Variants in SLIT3 observed in about 807,000 individuals in gnomAD.
SLIT3 encodes the protein slit guidance ligand 3.
Under a neutral mutation model 184.0 loss-of-function variants are expected in SLIT3, and 68 were observed. The ratio of observed to expected loss-of-function variants is 0.37; its 90% CI spans 0.30 to 0.45. The LOEUF is 0.45. Among genes scored for constraint, SLIT3 ranks in the 20% least tolerant of loss-of-function variants. The pLI, the probability that SLIT3 is intolerant of heterozygous loss-of-function variation, is 1.00. For missense variants in SLIT3, 1,707 were observed against 2,026.0 expected, an observed-to-expected ratio of 0.84 and a Z score of 3.02; for synonymous variants, 831 against 828.6, an observed-to-expected ratio of 1.00 and a Z score of -0.05.
At chr5:169,005,145 GC>G (rs1755868853) in intron 4 of SLIT3, among the ~76,000 whole-genome samples, 1 of 152,132 alleles carries the variant, frequency 6.6e-6, no homozygotes, top group Non-Finnish European at 1.5e-5. Flanking sequence ...AAAACATAAT[GC>G]TGTTACAAAA....
intron 4 of SLIT3, among the ~76,000 whole-genome samples, chr5:168,936,484 AGG>A (rs1762164045): frequency 1.3e-5 from 2 of 152,074 alleles, no homozygotes; most frequent in African/African-American, 4.8e-5. Context: ...CCACCCGCCT[AGG>A]CCTCCCAAAG....
intron 9 of SLIT3, among the ~76,000 whole-genome samples, chr5:168,803,729 A>G (rs1037159257): frequency 1.1e-4 from 16 of 152,180 alleles, no homozygotes; most frequent in African/African-American, 3.9e-4. Context: ...TATGGCTGCC[A>G]AAGAGAAAAA....
At chr5:168,824,954 A>G (rs1268607404) in intron 6 of SLIT3, among the ~76,000 whole-genome samples, 1 of 152,160 alleles carries the variant, frequency 6.6e-6, no homozygotes, top group African/African-American at 2.4e-5. Flanking sequence ...AGGCAGGACC[A>G]TTTTCTGTCC....
At chr5:168,813,582 G>A (rs1757237502) in intron 8 of SLIT3, among the ~76,000 whole-genome samples, 1 of 152,186 alleles carries the variant, frequency 6.6e-6, no homozygotes, top group Admixed American at 6.5e-5. Context: ...CCACCCTTGT[G>A]AAAAATTCCC....
At chr5:169,157,058 C>T (rs1326385133) in intron 4 of SLIT3, among the ~76,000 whole-genome samples, 2 of 152,214 alleles carry the variant, frequency 1.3e-5, no homozygotes, top group South Asian at 2.1e-4. Flanking sequence ...TCCACCAGCA[C>T]TGGCTGAATA....
intron 4 of SLIT3, among the ~76,000 whole-genome samples, chr5:169,117,178 G>A (rs1008500230): frequency 4.6e-5 from 7 of 152,130 alleles, no homozygotes; most frequent in East Asian, 1.9e-4. Context: ...GTGTGTGCCT[G>A]CACTGTCCTA....
intron 4 of SLIT3, among the ~76,000 whole-genome samples, chr5:168,937,834 G>T (rs917549738): frequency 6.6e-6 from 1 of 151,982 alleles, no homozygotes; most frequent in Non-Finnish European, 1.5e-5. Context: ...ACAGCACGTG[G>T]CAAAGAAAAG....
intron 12 of SLIT3, 48 bp from the exon 13 acceptor site, chr5:168,774,426 C>T: frequency 1.3e-6 from 2 of 1,566,272 alleles, no homozygotes; most frequent in Non-Finnish European, 1.7e-6. Flanking sequence ...TGGTAATTAC[C>T]TGCGGGGCAA....
chr5:169,156,768 C>A (rs1365276659), intron 4 of SLIT3, among the ~76,000 whole-genome samples: 1 of 152,274 alleles, frequency 6.6e-6, no homozygotes, highest in South Asian at 2.1e-4. Context: ...GGAAAGATGG[C>A]GTAGATGTGC....
chr5:169,189,527 GATATATAT>G (rs4042723), intron 4 of SLIT3, among the ~76,000 whole-genome samples: 2,962 of 78,946 alleles, frequency 0.038, 64 homozygotes, highest in African/African-American at 0.042. Context: ...AGATAGATGG[GATATATAT>G]ATATATATAT....
chr5:169,139,114 T>G (rs1023101801), intron 4 of SLIT3, among the ~76,000 whole-genome samples: 20 of 152,346 alleles, frequency 1.3e-4, no homozygotes, highest in African/African-American at 4.6e-4. Context: ...GATTTCTCCC[T>G]GGGTACTACT....
rs371298614 is a variant in SLIT3 at position 168,939,330 on chromosome 5, C to T, written c.414-55994G>A. On this transcript the variant is annotated intron_variant, in intron 4 of 35. Transcript: ENST00000519560. ...TTATAACACGTAATAGGGAAGAGCA[C>T]GGATGTATACTGGACAAGGAATTCT... Among the ~76,000 whole-genome samples the T allele has an allele frequency of 3.9e-5, 6 of 152,096 alleles. No individual in the cohort carries two copies. In the East Asian group the frequency reaches 9.7e-4, roughly 24 times the overall value.
At chr5:168,815,892 G>A (rs1364439241) in intron 8 of SLIT3, among the ~76,000 whole-genome samples, 1 of 152,178 alleles carries the variant, frequency 6.6e-6, no homozygotes, top group African/African-American at 2.4e-5. Flanking sequence ...GAAATGCAGA[G>A]CTCACAGTGC....
intron 8 of SLIT3, 83 bp from the exon 9 acceptor site, chr5:168,806,670 G>T: frequency 6.6e-7 from 1 of 1,514,952 alleles, no homozygotes; most frequent in African/African-American, 1.4e-5. Flanking sequence ...GCATCCTAAG[G>T]GCAAAGCATG....
intron 4 of SLIT3, among the ~76,000 whole-genome samples, chr5:168,905,107 G>A (rs1216110293): frequency 6.6e-6 from 1 of 152,124 alleles, no homozygotes. Flanking sequence ...AACCCGGGAG[G>A]CGGAGGATGC....
At chr5:169,203,867 A>G (rs1207596089) in intron 3 of SLIT3, among the ~76,000 whole-genome samples, 1 of 152,038 alleles carries the variant, frequency 6.6e-6, no homozygotes, top group Non-Finnish European at 1.5e-5. Flanking sequence ...CTGTGGGTAG[A>G]GCAGGGGGTT....
At chr5:169,162,540 G>T (rs1443683380) in intron 4 of SLIT3, among the ~76,000 whole-genome samples, 1 of 152,186 alleles carries the variant, frequency 6.6e-6, no homozygotes, top group Admixed American at 6.5e-5. Flanking sequence ...TGAGCTTCCT[G>T]CCCTGCAAAG....
chr5:168,702,768 C>T lies in SLIT3; in HGVS notation c.2845-2089G>A, dbSNP rs1014956512. Among the ~76,000 whole-genome samples the T allele has an allele frequency of 9.9e-5, 15 of 152,134 alleles. No individual in the cohort carries two copies. The East Asian group carries it at 2.5e-3, about 26-fold the overall frequency. On this transcript the variant is annotated intron_variant, in intron 26 of 35. Coordinates refer to ENST00000519560, the MANE Select transcript of SLIT3 (RefSeq NM_003062.4). ...GAGTGACTAAAATACTTTTTCAGGT[C>T]TTTGGTTGGTGCCAAGTAGTTCCAG...
At chr5:168,811,346 C>A (rs189385404) in intron 8 of SLIT3, among the ~76,000 whole-genome samples, 4 of 152,110 alleles carry the variant, frequency 2.6e-5, no homozygotes, top group African/African-American at 9.7e-5. Flanking sequence ...TTCTTTTTTT[C>A]CCCCTTAGCA....
Sources: allele counts gnomAD v4.1 joint callset (sites outside exome capture counted in the v4.1 genomes callset), GRCh38; gene constraint gnomAD v4.1.1; transcripts MANE v1.5; gene names NCBI Gene and HGNC (gene_info 2026-07-23, HGNC 2026-07-21).